LAMA1: variants seen among roughly 807,000 people sequenced by gnomAD.
LAMA1 encodes the protein laminin subunit alpha 1.
A neutral mutation model predicts 348.7 loss-of-function variants in LAMA1; 219 were observed. That is an observed-to-expected ratio of 0.63 (90% confidence interval 0.56 to 0.70). The LOEUF is 0.70. Ranked by LOEUF, LAMA1 falls within the 30% of genes least tolerant of loss-of-function variation. LAMA1 has a pLI of 0.00. For synonymous variants in LAMA1, 1,487 were observed against 1,491.0 expected (o/e 1.00, Z 0.06); for missense variants, 3,744 against 3,888.0 (o/e 0.96, Z 0.99).
intron 3 of LAMA1, among the ~76,000 whole-genome samples, chr18:7,063,326 T>A (rs1269849981): frequency 6.6e-6 from 1 of 152,214 alleles, no homozygotes; most frequent in African/African-American, 2.4e-5. Context: ...GCTTATTTTT[T>A]AAAAGAGAAT....
At position 6,955,645 on chromosome 18, in the gene LAMA1, C is replaced by T. The variant is rs545395599; in HGVS notation, c.8095-180G>A. ...AATGATGCACTCGCCAGCGCTTTATCTCCCTGAAGAAAGCACTTAGAGCTT... is the reference window on the plus strand; with the variant it reads ...AATGATGCACTCGCCAGCGCTTTATTTCCCTGAAGAAAGCACTTAGAGCTT... On this transcript the variant is annotated intron_variant, in intron 56 of 62. Coordinates refer to ENST00000389658, the MANE Select transcript of LAMA1 (RefSeq NM_005559.4). 2.4e-3 allele frequency: 1,648 copies of T among 691,040 alleles called. 10 individuals carry two copies. Among genetic ancestry groups the T allele is most frequent in the South Asian group, 6.0e-3 (401 of 66,530 alleles). 42.8% of individuals were successfully genotyped at this position (691,040 alleles called of 1,614,324 possible). A position where few individuals can be genotyped will look rare whatever the true frequency, so the allele number is the denominator to read the frequency against.
chr18:7,032,205 T>C (rs2057973200), intron 15 of LAMA1, 29 bp from the exon 16 acceptor site: 4 of 1,469,382 alleles, frequency 2.7e-6, no homozygotes, highest in African/African-American at 1.4e-5. Flanking sequence ...TCATCCTCTT[T>C]CCACTACGTT....
intron 3 of LAMA1, among the ~76,000 whole-genome samples, chr18:7,078,704 A>G (rs1391017438): frequency 6.6e-6 from 1 of 151,918 alleles, no homozygotes; most frequent in African/African-American, 2.4e-5. Context: ...AATCCTGCAC[A>G]TTTGGCCAGG....
chr18:7,052,750 A>C (rs2058066946), intron 3 of LAMA1, among the ~76,000 whole-genome samples: 1 of 150,942 alleles, frequency 6.6e-6, no homozygotes, highest in African/African-American at 2.4e-5. Context: ...TAGACTGGGC[A>C]TGGTGGCTCA....
intron 1 of LAMA1, among the ~76,000 whole-genome samples, chr18:7,094,850 A>G (rs895593537): frequency 1.3e-5 from 2 of 152,236 alleles, no homozygotes; most frequent in Non-Finnish European, 2.9e-5. Context: ...AGTTTTATTC[A>G]AAAAGAATAA....
intron 20 of LAMA1, 152 bp downstream of exon 20, chr18:7,017,126 C>A (rs1600396096): frequency 4.1e-6 from 3 of 732,882 alleles, no homozygotes; most frequent in Non-Finnish European, 7.3e-6. Context: ...TCAATCAAAC[C>A]TCCTTTGTTG....
chr18:7,080,736 C>T (rs890510780), intron 1 of LAMA1, among the ~76,000 whole-genome samples: 3 of 151,980 alleles, frequency 2.0e-5, no homozygotes, highest in Non-Finnish European at 2.9e-5. Flanking sequence ...GTTCATATCT[C>T]GATAAAGCTT....
Position 6,973,272 on chromosome 18 carries a change from G to A in LAMA1, c.6624-65C>T, listed in dbSNP as rs955524063. 90 of 1,474,992 alleles carry A rather than the reference G, an allele frequency of 6.1e-5. 1 individual carries two copies. Among genetic ancestry groups the A allele is most frequent in the African/African-American group, 1.3e-4 (9 of 71,922 alleles). The allele number at this position is 1,474,992 out of a possible 1,614,324, so 91.4% of individuals were successfully genotyped here. ...TTCCAGTCAGCGCACATACAATCCC[G>A]TTTCCTTCACACCCACCATCTGCTT... is the stretch of plus-strand genomic sequence containing the variant. On this transcript the variant is annotated intron_variant, in intron 46 of 62. Transcript: ENST00000389658.
chr18:7,065,706 G>A (rs2058120173), intron 3 of LAMA1, among the ~76,000 whole-genome samples: 1 of 152,212 alleles, frequency 6.6e-6, no homozygotes, highest in Non-Finnish European at 1.5e-5. Context: ...CAGCTTGGGT[G>A]ACAGAGTGAG....
At chr18:6,985,667 G>A (rs1267106844) in intron 37 of LAMA1, 24 bp from the exon 38 acceptor site, 2 of 1,555,394 alleles carry the variant, frequency 1.3e-6, no homozygotes, top group African/African-American at 1.4e-5. Flanking sequence ...GGCATTTTAA[G>A]GGTGCTTCAT....
At chr18:7,078,741 G>T (rs2058181024) in intron 3 of LAMA1, among the ~76,000 whole-genome samples, 1 of 151,910 alleles carries the variant, frequency 6.6e-6, no homozygotes, top group African/African-American at 2.4e-5. Context: ...TGTAATCCCA[G>T]CACTTTGGGA....
chr18:6,946,713 C>T (rs951641160), intron 61 of LAMA1, among the ~76,000 whole-genome samples: 1 of 152,020 alleles, frequency 6.6e-6, no homozygotes, highest in South Asian at 2.1e-4. Context: ...GAGCGAAACT[C>T]CGTCTCAAAA....
chr18:7,004,188 A>C (rs2057821468), intron 29 of LAMA1, among the ~76,000 whole-genome samples: 1 of 152,132 alleles, frequency 6.6e-6, no homozygotes, highest in Non-Finnish European at 1.5e-5. Context: ...ATTAGTTGCT[A>C]TGGGAAATTC....
intron 29 of LAMA1, among the ~76,000 whole-genome samples, chr18:7,006,179 G>A (rs887045873): frequency 1.3e-5 from 2 of 152,166 alleles, no homozygotes; most frequent in African/African-American, 4.8e-5. Context: ...ATTGGCTTAA[G>A]CTAAATCATG....
In LAMA1 at chr18:7,032,048, C is replaced by CTACA. The variant is rs769533591; in HGVS notation, c.2274+14_2274+17dup. On this transcript the variant is annotated intron_variant, in intron 16 of 62. Coordinates refer to ENST00000389658, the MANE Select transcript of LAMA1 (RefSeq NM_005559.4). ...AATTGAGGAGGAGAGGGCACCTGAA[C>CTACA]TACAGTGAGAGACTCACAATGCAAA... 1.9e-6 allele frequency: 3 copies of CTACA among 1,605,850 alleles called. No individual in the cohort carries two copies. In the South Asian group the frequency reaches 3.3e-5, roughly 18 times the overall value.
chr18:7,101,592 G>A (rs555912867), intron 1 of LAMA1, among the ~76,000 whole-genome samples: 2 of 152,272 alleles, frequency 1.3e-5, no homozygotes, highest in East Asian at 3.9e-4. Flanking sequence ...CAGATTGTAG[G>A]GACTAACCAA....
chr18:7,038,208 G>A (rs964812320), intron 11 of LAMA1, among the ~76,000 whole-genome samples: 8 of 152,078 alleles, frequency 5.3e-5, no homozygotes, highest in Admixed American at 4.6e-4. Context: ...ACTCCCCCCA[G>A]CGTGGTGTCC....
chr18:7,034,983 C>T (rs2057987930), intron 13 of LAMA1, among the ~76,000 whole-genome samples: 1 of 152,232 alleles, frequency 6.6e-6, no homozygotes, highest in South Asian at 2.1e-4. Flanking sequence ...AGCAACCCAT[C>T]TGACACCTCT....
Position 6,971,934 on chromosome 18 carries a change from C to T in LAMA1, c.6822G>A (p.Glu2274=), listed in dbSNP as rs746100710. 2 of 1,614,002 alleles carry T rather than the reference C, an allele frequency of 1.2e-6. No individual in the cohort carries two copies. Among genetic ancestry groups the T allele is most frequent in the Admixed American group, 3.3e-5 (2 of 60,020 alleles). ...KVTHFKGCLG[E]AFLNGKSIGL... is the part of the protein sequence containing the mutation. ...CTATGGATTTTCCATTCAGGAAGGC[C>T]TCCCCCAAGCAGCCTTTAAAATGAG... is the stretch of plus-strand genomic sequence containing the variant. The change falls in exon 48 of 63, where the codon GAG becomes GAA. Residue 2274 remains glutamate (E), a synonymous_variant. Transcript: ENST00000389658.
Sources: allele counts gnomAD v4.1 joint callset (sites outside exome capture counted in the v4.1 genomes callset), GRCh38; gene constraint gnomAD v4.1.1; transcripts MANE v1.5; gene names NCBI Gene and HGNC (gene_info 2026-07-23, HGNC 2026-07-21).